AOX1: variants seen among roughly 807,000 people sequenced by gnomAD.
AOX1 encodes aldehyde oxidase 1.
AOX1 carries 153 observed loss-of-function variants against 169.5 expected under a neutral mutation model. That is an observed-to-expected ratio of 0.90 (90% CI 0.79 to 1.03). AOX1 has a LOEUF of 1.03. Ranked by LOEUF, AOX1 falls within the 50% of genes least tolerant of loss-of-function variation. The pLI is 0.00. For synonymous variants in AOX1, 562 were observed against 581.9 expected, an observed-to-expected ratio of 0.97 and a Z score of 0.49; for missense variants, 1,656 against 1,663.9, an observed-to-expected ratio of 1.00 and a Z score of 0.08.
At chr2:200,659,401 C>A in intron 28 of AOX1, 108 bp downstream of exon 28, 1 of 1,238,658 alleles carries the variant, frequency 8.1e-7, no homozygotes, top group Non-Finnish European at 1.1e-6. Flanking sequence ...ATATCTCCTT[C>A]CCCATCTTGC....
At chr2:200,598,902 A>G (rs1224950860) in intron 4 of AOX1, among the ~76,000 whole-genome samples, 2 of 152,214 alleles carry the variant, frequency 1.3e-5, no homozygotes, top group Non-Finnish European at 2.9e-5. Flanking sequence ...TTGAAAGATC[A>G]TTACCCAGAG....
intron 22 of AOX1, 83 bp downstream of exon 22, chr2:200,637,127 C>A: frequency 1.3e-6 from 2 of 1,525,084 alleles, no homozygotes; most frequent in Non-Finnish European, 8.9e-7. Context: ...AGAACCTGGG[C>A]CAAGATTATT....
chr2:200,611,640 T>C, intron 13 of AOX1, 147 bp downstream of exon 13: 1 of 611,570 alleles, frequency 1.6e-6, no homozygotes, highest in Admixed American at 2.9e-5. Context: ...GGTCATTATT[T>C]TAAGACTTGT....
intron 32 of AOX1, 108 bp from the exon 33 acceptor site, chr2:200,668,507 C>A: frequency 9.8e-7 from 1 of 1,022,646 alleles, no homozygotes; most frequent in Non-Finnish European, 1.4e-6. Flanking sequence ...TGAAAATGCT[C>A]TTAAACTGTA....
intron 20 of AOX1, among the ~76,000 whole-genome samples, chr2:200,633,312 T>C (rs1040387105): frequency 6.6e-6 from 1 of 152,096 alleles, no homozygotes; most frequent in African/African-American, 2.4e-5. Flanking sequence ...TTTCAAATAA[T>C]GGCTTGACTT....
chr2:200,649,382 C>T (rs534637497), intron 25 of AOX1, among the ~76,000 whole-genome samples: 3 of 152,148 alleles, frequency 2.0e-5, no homozygotes, highest in Admixed American at 1.3e-4. Context: ...CAGCTTCTCC[C>T]GTGGGGGTGT....
chr2:200,657,188 A>ATTTTTT (rs1309414882), intron 27 of AOX1, among the ~76,000 whole-genome samples: 3 of 68,610 alleles, frequency 4.4e-5, no homozygotes, highest in East Asian at 1.4e-3. Context: ...ATATATATAT[A>ATTTTTT]TATTTTTTTT....
At chr2:200,626,616 A>G (rs1294248055) in intron 19 of AOX1, among the ~76,000 whole-genome samples, 1 of 152,232 alleles carries the variant, frequency 6.6e-6, no homozygotes, top group Non-Finnish European at 1.5e-5. Flanking sequence ...GAGCTAGTGT[A>G]TAAATGGATT....
chr2:200,669,789 T>C (rs1419125677), intron 34 of AOX1, 47 bp downstream of exon 34: 2 of 1,591,496 alleles, frequency 1.3e-6, no homozygotes. Flanking sequence ...AAATTCTGAA[T>C]TTTTGGCCTC....
chr2:200,601,903 C>T (rs1442611118), intron 5 of AOX1, among the ~76,000 whole-genome samples: 1 of 152,060 alleles, frequency 6.6e-6, no homozygotes, highest in African/African-American at 2.4e-5. Context: ...ACCGCACCTG[C>T]AGCCTGGGCG....
intron 1 of AOX1, among the ~76,000 whole-genome samples, chr2:200,586,663 G>A (rs2034040745): frequency 6.6e-6 from 1 of 152,158 alleles, no homozygotes; most frequent in Non-Finnish European, 1.5e-5. Flanking sequence ...CACCCCCATC[G>A]TTTCTCAGAT....
chr2:200,601,186 T>C (rs2034407257), intron 5 of AOX1, among the ~76,000 whole-genome samples: 1 of 151,584 alleles, frequency 6.6e-6, no homozygotes, highest in African/African-American at 2.4e-5. Flanking sequence ...GAGGACATTA[T>C]GCTGAGTAAA....
chr2:200,633,087 G>A (rs2035160454), intron 20 of AOX1, among the ~76,000 whole-genome samples: 1 of 151,866 alleles, frequency 6.6e-6, no homozygotes, highest in Non-Finnish European at 1.5e-5. Context: ...AGTAGAGACA[G>A]GGTTTCACCA....
intron 4 of AOX1, among the ~76,000 whole-genome samples, chr2:200,598,027 G>A (rs956012475): frequency 6.6e-6 from 1 of 152,148 alleles, no homozygotes; most frequent in South Asian, 2.1e-4. Context: ...AGAATCACTT[G>A]AGCCTGGGAG....
chr2:200,608,524 A>G (rs1376691321), intron 10 of AOX1, among the ~76,000 whole-genome samples: 1 of 152,220 alleles, frequency 6.6e-6, no homozygotes, highest in Non-Finnish European at 1.5e-5. Flanking sequence ...TGACAATGGC[A>G]TATATTAGCT....
rs2034794277 is a variant in AOX1 at position 200,617,735 on chromosome 2, C to G, written c.1704+1672C>G. Among the ~76,000 whole-genome samples, 5 of 152,020 alleles carry G rather than the reference C, an allele frequency of 3.3e-5. No individual in the cohort carries two copies. The South Asian group carries it at 1.0e-3, about 32-fold the overall frequency. ...ATGAATTATCTGGAATTTTGCTTTT[C>G]AGGATGAAAAAACTTCTTAGGGTTT... On this transcript the variant is annotated intron_variant, in intron 16 of 34. Coordinates refer to ENST00000374700, the MANE Select transcript of AOX1 (RefSeq NM_001159.4).
At chr2:200,666,209 C>T (rs2035921815) in intron 31 of AOX1, among the ~76,000 whole-genome samples, 1 of 152,188 alleles carries the variant, frequency 6.6e-6, no homozygotes, top group Non-Finnish European at 1.5e-5. Context: ...TCTAGAACAG[C>T]AGATGACAAT....
At chr2:200,610,562 T>G (rs1320708043) in intron 12 of AOX1, among the ~76,000 whole-genome samples, 2 of 152,186 alleles carry the variant, frequency 1.3e-5, no homozygotes, top group Non-Finnish European at 2.9e-5. Flanking sequence ...CTAAAATTCT[T>G]CAGGTGTTGG....
rs1422296564 is a variant in AOX1, at chr2:200,625,930, T to A, written c.2125-1423T>A. Among the ~76,000 whole-genome samples, 3 of 152,284 alleles carry A rather than the reference T, an allele frequency of 2.0e-5. No individual in the cohort carries two copies. In the East Asian group the frequency reaches 5.8e-4, roughly 29 times the overall value. On this transcript the variant is annotated intron_variant, in intron 19 of 34. Transcript: ENST00000374700. ...CTTTTCGAGTTTTTAGTAGATTGAA[T>A]GGGGCAACGATCAAAACTCTTGAAT...
Sources: gnomAD v4.1 joint callset for allele counts (sites outside exome capture counted in the v4.1 genomes callset) on GRCh38, gnomAD v4.1.1 for gene constraint, MANE v1.5 for transcripts, NCBI Gene and HGNC (gene_info 2026-07-23, HGNC 2026-07-21) for gene names.